Variants in SHANK2 observed in about 807,000 individuals in gnomAD.
SHANK2 encodes SH3 and multiple ankyrin repeat domains 2.
SHANK2 carries 43 observed loss-of-function variants against 133.7 expected under a neutral mutation model. The ratio of observed to expected loss-of-function variants is 0.32; its 90% CI spans 0.25 to 0.41. SHANK2 has a LOEUF of 0.41. SHANK2 is among the 10% of genes least tolerant of loss of function. SHANK2 has a pLI of 1.00. For synonymous variants in SHANK2, 1,017 were observed against 952.8 expected (o/e 1.07, Z -1.24); for missense variants, 1,994 against 2,235.8 (o/e 0.89, Z 2.18).
At chr11:71,117,999 G>C (rs1555100688) in intron 4 of SHANK2, among the ~76,000 whole-genome samples, 1 of 152,196 alleles carries the variant, frequency 6.6e-6, no homozygotes, top group African/African-American at 2.4e-5. Flanking sequence ...TGTAGTTAGT[G>C]TCAGAATTGA....
chr11:70,694,383 A>G (rs937337578), intron 15 of SHANK2, among the ~76,000 whole-genome samples: 1 of 152,228 alleles, frequency 6.6e-6, no homozygotes, highest in African/African-American at 2.4e-5. Flanking sequence ...AGTTTTTGAC[A>G]TAAGAGGAGG....
At position 71,063,289 on chromosome 11, in the gene SHANK2, C is replaced by T. The variant is rs993563920; in HGVS notation, c.1030-6731G>A. On this transcript the variant is annotated intron_variant, in intron 9 of 25. Coordinates refer to ENST00000601538, the MANE Select transcript of SHANK2 (RefSeq NM_012309.5). ...TTTGACGGAGTCAATATCATACCTC[C>T]GACCCATTACCACGTGTTTCCCAGA... Among the ~76,000 whole-genome samples, 30 of 152,318 alleles carry T rather than the reference C, an allele frequency of 2.0e-4. No homozygotes were observed. In the East Asian group the frequency reaches 4.6e-3, roughly 23 times the overall value.
chr11:70,643,790 C>G (rs2061220769), intron 17 of SHANK2, among the ~76,000 whole-genome samples: 1 of 152,130 alleles, frequency 6.6e-6, no homozygotes, highest in Admixed American at 6.5e-5. Context: ...GAAAGACAGT[C>G]TTTGCTCTCA....
At chr11:71,225,421 G>A (rs113493964) in intron 1 of SHANK2, among the ~76,000 whole-genome samples, 4 of 152,156 alleles carry the variant, frequency 2.6e-5, no homozygotes, top group South Asian at 4.2e-4. Flanking sequence ...CTTTCACTCC[G>A]GCATTAGTAT....
chr11:70,871,024 C>T (rs1158424014), intron 11 of SHANK2, among the ~76,000 whole-genome samples: 1 of 152,160 alleles, frequency 6.6e-6, no homozygotes, highest in African/African-American at 2.4e-5. Flanking sequence ...GTGATCCATC[C>T]GCCTCAGCCT....
At chr11:70,745,174 T>A (rs1591807379) in intron 14 of SHANK2, among the ~76,000 whole-genome samples, 1 of 152,184 alleles carries the variant, frequency 6.6e-6, no homozygotes, top group Non-Finnish European at 1.5e-5. Context: ...CCCCAACCAA[T>A]GACTTAGAAG....
At chr11:70,662,038 A>ACGG (rs1309948150) in intron 15 of SHANK2, 8 of 519,624 alleles carry the variant, frequency 1.5e-5, no homozygotes, top group African/African-American at 7.7e-5. Context: ...AGTGGCCCGA[A>ACGG]CGGCGGCGGC....
At position 70,500,701 on chromosome 11, in the gene SHANK2, A is replaced by G; in HGVS notation, c.2288-111T>C. On this transcript the variant is annotated intron_variant, in intron 20 of 25. Coordinates refer to ENST00000601538, the MANE Select transcript of SHANK2 (RefSeq NM_012309.5). This position sits in a 1 kb window ranked among gnomAD's most constrained non-coding sequence, Gnocchi z 4.5. ...GCCTCAGGAGCAGGCTGGGCCGGCA[A>G]TGGGGCGGCAGGCAGGGGCTGTCTG... 1 of 1,420,634 alleles carries G rather than the reference A, an allele frequency of 7.0e-7. No individual in the cohort carries two copies. The highest frequency in any genetic ancestry group is 1.2e-5 in the South Asian group (1 of 81,566). The allele number at this position is 1,420,634 out of a possible 1,614,324, so 88.0% of individuals were successfully genotyped here. A position where few individuals can be genotyped will look rare whatever the true frequency, so the allele number is the denominator to read the frequency against.
At chr11:70,860,290 A>T (rs994934215) in intron 11 of SHANK2, among the ~76,000 whole-genome samples, 6 of 151,876 alleles carry the variant, frequency 4.0e-5, no homozygotes, top group Non-Finnish European at 5.9e-5. Flanking sequence ...TGTACTTGGC[A>T]CCCCCAGACT....
At chr11:70,584,216 C>T (rs74748659) in intron 17 of SHANK2, among the ~76,000 whole-genome samples, 4,766 of 152,188 alleles carry the variant, frequency 0.031, 121 homozygotes, top group East Asian at 0.095. Context: ...CTGGTGAGTC[C>T]GAAGGTAGGA....
chr11:71,116,542 C>G (rs1192234977), intron 4 of SHANK2, among the ~76,000 whole-genome samples: 1 of 152,218 alleles, frequency 6.6e-6, no homozygotes, highest in Admixed American at 6.5e-5. Context: ...GACAGCAGCT[C>G]AAAGAGCCCC....
chr11:71,229,252 C>CAAACAAAGATTGGAAAAGAAG (rs1954696090), intron 1 of SHANK2, among the ~76,000 whole-genome samples: 1 of 152,046 alleles, frequency 6.6e-6, no homozygotes. Flanking sequence ...AAAAAACAAA[C>CAAACAAAGATTGGAAAAGAAG]AAACAAAGAT....
intron 3 of SHANK2, among the ~76,000 whole-genome samples, chr11:71,142,719 CAGAG>C (rs56297416): frequency 0.22 from 33,254 of 151,484 alleles, 3,882 homozygotes; most frequent in South Asian, 0.3. Flanking sequence ...ACAGAATCTG[CAGAG>C]AGAAAGTTTT....
chr11:70,544,813 G>T (rs1478912697), intron 17 of SHANK2, among the ~76,000 whole-genome samples: 1 of 152,240 alleles, frequency 6.6e-6, no homozygotes, highest in Non-Finnish European at 1.5e-5. Flanking sequence ...TGCCACAAAG[G>T]AGCAAATGTC....
intron 11 of SHANK2, among the ~76,000 whole-genome samples, chr11:70,855,296 A>G (rs1311434424): frequency 6.6e-6 from 1 of 152,250 alleles, no homozygotes; most frequent in East Asian, 1.9e-4. Flanking sequence ...GCAGGTGAGG[A>G]GTAAGCCAGG....
Position 70,662,193 on chromosome 11 carries a change from T to G in SHANK2, c.1854-515A>C, listed in dbSNP as rs1465381715. The G allele has an allele frequency of 1.1e-5, 3 of 262,008 alleles. 1 individual carries two copies. Among genetic ancestry groups the G allele is most frequent in the Middle Eastern group, 2.6e-3 (2 of 760 alleles). 16.2% of individuals were successfully genotyped at this position (262,008 alleles called of 1,614,324 possible). On this transcript the variant is annotated intron_variant, in intron 15 of 25. Coordinates refer to ENST00000601538, the MANE Select transcript of SHANK2 (RefSeq NM_012309.5). ...TTGTTTTGCTTTTCCTTGAAGGGGG[T>G]TTAAAATAAAATCAAATCCTATCTG...
At chr11:71,241,577 C>A (rs1555124424) in intron 1 of SHANK2, among the ~76,000 whole-genome samples, 1 of 152,234 alleles carries the variant, frequency 6.6e-6, no homozygotes, top group Non-Finnish European at 1.5e-5. Flanking sequence ...AGGAGACACT[C>A]TCCCCCCTGC....
intron 9 of SHANK2, among the ~76,000 whole-genome samples, chr11:71,061,149 AGGGTTGCAAACTAC>A (rs1950981745): frequency 6.6e-6 from 1 of 152,278 alleles, no homozygotes; most frequent in East Asian, 1.9e-4. Flanking sequence ...ACTTCATTTT[AGGGTTGCAAACTAC>A]GGCCCTTGGG....
intron 14 of SHANK2, among the ~76,000 whole-genome samples, chr11:70,735,220 G>A (rs901377274): frequency 2.6e-5 from 4 of 152,210 alleles, no homozygotes; most frequent in Non-Finnish European, 4.4e-5. Context: ...GGACAGAGGC[G>A]CACCTTGTGA....
Sources: allele counts gnomAD v4.1 joint callset (sites outside exome capture counted in the v4.1 genomes callset), GRCh38; gene constraint gnomAD v4.1.1; non-coding constraint Gnocchi (gnomAD v3.1); transcripts MANE v1.5; gene names NCBI Gene and HGNC (gene_info 2026-07-23, HGNC 2026-07-21).